The following NMNAT2 variants were observed in gnomAD, a reference collection of about 807,000 sequenced individuals.
NMNAT2 encodes the protein nicotinamide/nicotinic acid mononucleotide adenylyltransferase 2.
A neutral mutation model predicts 41.6 loss-of-function variants in NMNAT2; 11 were observed. The ratio of observed to expected loss-of-function variants is 0.26; its 90% CI spans 0.17 to 0.44. NMNAT2 has a LOEUF of 0.44. Ranked by LOEUF, NMNAT2 falls within the 20% of genes least tolerant of loss-of-function variation. The pLI, the probability that NMNAT2 is intolerant of heterozygous loss-of-function variation, is 1.00. For missense variants in NMNAT2, 288 were observed against 407.7 expected, an observed-to-expected ratio of 0.71 and a Z score of 2.53; for synonymous variants, 148 against 151.2, an observed-to-expected ratio of 0.98 and a Z score of 0.16.
At chr1:183,380,481 A>G (rs1490621226) in intron 1 of NMNAT2, among the ~76,000 whole-genome samples, 3 of 152,180 alleles carry the variant, frequency 2.0e-5, no homozygotes, top group Admixed American at 6.5e-5. Context: ...TGTTATCCAT[A>G]TAAAGGCAAT....
Position 183,406,140 on chromosome 1 carries a change from G to A in NMNAT2, c.85+12043C>T, listed in dbSNP as rs1048267062. ...ACTTGCTATGCTAAGTTCAATGATA[G>A]ATAAGACAGCACAATCAGGCCACAT... On this transcript the variant is annotated intron_variant, in intron 1 of 10. Coordinates refer to ENST00000287713, the MANE Select transcript of NMNAT2 (RefSeq NM_015039.4). Among the ~76,000 whole-genome samples the A allele has an allele frequency of 2.0e-5, 3 of 152,174 alleles. No individual in the cohort carries two copies. The South Asian group carries it at 6.2e-4, about 32-fold the overall frequency.
intron 1 of NMNAT2, among the ~76,000 whole-genome samples, chr1:183,297,923 A>G (rs1009744996): frequency 1.3e-5 from 2 of 152,236 alleles, no homozygotes; most frequent in African/African-American, 4.8e-5. Flanking sequence ...AAATCATTCA[A>G]TGTAATCCAC....
intron 8 of NMNAT2, among the ~76,000 whole-genome samples, chr1:183,274,002 T>C (rs1661061328): frequency 6.6e-6 from 1 of 151,962 alleles, no homozygotes; most frequent in African/African-American, 2.4e-5. Context: ...AACCTCTATC[T>C]CCTGGGTTCA....
intron 1 of NMNAT2, among the ~76,000 whole-genome samples, chr1:183,417,353 T>G (rs1428588687): frequency 6.6e-6 from 1 of 151,664 alleles, no homozygotes; most frequent in East Asian, 1.9e-4. Context: ...CGCACACGCA[T>G]ATACTCACAC....
chr1:183,255,020 G>A (rs1660481230), intron 10 of NMNAT2, among the ~76,000 whole-genome samples: 1 of 152,094 alleles, frequency 6.6e-6, no homozygotes, highest in Non-Finnish European at 1.5e-5. Flanking sequence ...TTTCCTTTAT[G>A]TTTTCTTCTG....
chr1:183,405,626 A>G (rs1648932675), intron 1 of NMNAT2, among the ~76,000 whole-genome samples: 2 of 152,220 alleles, frequency 1.3e-5, no homozygotes, highest in Non-Finnish European at 2.9e-5. Context: ...CAAAACTAAG[A>G]CTTTAAGACA....
chr1:183,334,051 C>T (rs1386668456), intron 1 of NMNAT2, among the ~76,000 whole-genome samples: 3 of 152,192 alleles, frequency 2.0e-5, no homozygotes, highest in Admixed American at 6.5e-5. Context: ...GAAATGTGCA[C>T]GATGCCTCTT....
intron 3 of NMNAT2, among the ~76,000 whole-genome samples, chr1:183,291,353 A>G (rs988391474): frequency 6.6e-6 from 1 of 151,786 alleles, no homozygotes; most frequent in Admixed American, 6.6e-5. Context: ...TCAGCTTGCC[A>G]TTTGCCGGGA....
intron 1 of NMNAT2, among the ~76,000 whole-genome samples, chr1:183,342,311 C>G (rs1662837553): frequency 6.6e-6 from 1 of 152,046 alleles, no homozygotes; most frequent in Admixed American, 6.6e-5. Context: ...GGCAACATAG[C>G]AAAACCCTTG....
intron 1 of NMNAT2, among the ~76,000 whole-genome samples, chr1:183,349,569 TGG>T (rs1179150560): frequency 6.6e-6 from 1 of 152,252 alleles, no homozygotes; most frequent in Non-Finnish European, 1.5e-5. Context: ...AGCAAGCCTT[TGG>T]GGCAGGCAAG....
chr1:183,403,908 T>G (rs1018999255), intron 1 of NMNAT2, among the ~76,000 whole-genome samples: 5 of 152,196 alleles, frequency 3.3e-5, no homozygotes, highest in African/African-American at 1.2e-4. Context: ...ATTCAAATGC[T>G]ATTACAGGGG....
intron 1 of NMNAT2, among the ~76,000 whole-genome samples, chr1:183,382,340 A>G (rs1366838347): frequency 6.6e-6 from 1 of 152,180 alleles, no homozygotes; most frequent in East Asian, 1.9e-4. Context: ...ACAACTCAAC[A>G]TGAGATTTGG....
intron 8 of NMNAT2, among the ~76,000 whole-genome samples, chr1:183,269,732 A>C (rs1660931931): frequency 6.6e-6 from 1 of 152,238 alleles, no homozygotes; most frequent in Admixed American, 6.5e-5. Flanking sequence ...AGGTGGGGAA[A>C]CCAAGACTCA....
At chr1:183,372,895 C>T (rs773919116) in intron 1 of NMNAT2, among the ~76,000 whole-genome samples, 15 of 152,316 alleles carry the variant, frequency 9.8e-5, no homozygotes, top group African/African-American at 2.4e-4. Flanking sequence ...AGGTTAATAT[C>T]GCAGGGCCTG....
intron 1 of NMNAT2, among the ~76,000 whole-genome samples, chr1:183,296,522 C>CTTT (rs10655549): frequency 0.086 from 12,827 of 148,610 alleles, 742 homozygotes; most frequent in Middle Eastern, 0.14. Context: ...GTCACATTTG[C>CTTT]TTTTTTTTTT....
At chr1:183,291,626 T>A (rs2102308393) in intron 3 of NMNAT2, among the ~76,000 whole-genome samples, 1 of 152,294 alleles carries the variant, frequency 6.6e-6, no homozygotes, top group South Asian at 2.1e-4. Flanking sequence ...CAGAATCTTC[T>A]AAGCACATCC....
At chr1:183,355,397 C>T (rs993596525) in intron 1 of NMNAT2, among the ~76,000 whole-genome samples, 8 of 152,162 alleles carry the variant, frequency 5.3e-5, no homozygotes, top group Admixed American at 1.3e-4. Flanking sequence ...AATGATTGGG[C>T]GGCACTCCAG....
chr1:183,283,571 G>A, intron 7 of NMNAT2: 1 of 308,976 alleles, frequency 3.2e-6, no homozygotes, highest in Non-Finnish European at 6.3e-6. Flanking sequence ...AGGCTGCAAG[G>A]GAGGTGTGGA....
chr1:183,383,662 T>C (rs2101917247), intron 1 of NMNAT2, among the ~76,000 whole-genome samples: 1 of 152,316 alleles, frequency 6.6e-6, no homozygotes, highest in African/African-American at 2.4e-5. Flanking sequence ...AAGTTCAAAG[T>C]TCCACAAATC....
Sources: allele counts gnomAD v4.1 joint callset (sites outside exome capture counted in the v4.1 genomes callset), GRCh38; gene constraint gnomAD v4.1.1; transcripts MANE v1.5; gene names NCBI Gene and HGNC (gene_info 2026-07-23, HGNC 2026-07-21).